BSG: variants seen among roughly 807,000 people sequenced by gnomAD.
BSG encodes basigin (Ok blood group), also known as basigin.
A neutral mutation model predicts 43.1 loss-of-function variants in BSG; 37 were observed. The ratio of observed to expected loss-of-function variants is 0.86; its 90% CI spans 0.66 to 1.13. The LOEUF is 1.13. Among genes scored for constraint, BSG ranks in the 50% most tolerant of loss-of-function variants. The pLI is 0.00. For synonymous variants in BSG, 309 were observed against 238.7 expected (o/e 1.29, Z -2.72); for missense variants, 599 against 554.2 (o/e 1.08, Z -0.81).
upstream of BSG, chr19:572,583 GGGC>G (rs572465381): frequency 7.0e-6 from 10 of 1,437,424 alleles, no homozygotes; most frequent in Middle Eastern, 1.8e-4. Flanking sequence ...TAGCGGCCGC[GGGC>G]GGCGGCGGCA....
intron 6 of BSG, 79 bp from the exon 7 acceptor site, chr19:582,227 C>T (rs773186872): frequency 2.6e-5 from 41 of 1,578,680 alleles, no homozygotes; most frequent in Non-Finnish European, 2.9e-5. Flanking sequence ...CACAGATGCC[C>T]CTGCTCGGGG....
In BSG at chr19:582,814, A is replaced by G. The variant is rs1023694882; in HGVS notation, c.*70A>G. ...GCCGGAGTCCACTCCCAGTGCTTGC[A>G]AGATTCCAAGTTCTCACCTCTTAAA... On this transcript the variant is annotated 3_prime_UTR_variant, in exon 9 of 9. Coordinates refer to ENST00000333511, the MANE Select transcript of BSG (RefSeq NM_001728.4). 39 of 577,058 alleles carry G rather than the reference A, an allele frequency of 6.8e-5. No individual in the cohort carries two copies. The highest frequency in any genetic ancestry group is 3.2e-4 in the South Asian group (15 of 46,410). The allele number at this position is 577,058 out of a possible 1,614,324, so 35.7% of individuals were successfully genotyped here. A position where few individuals can be genotyped will look rare whatever the true frequency, so the allele number is the denominator to read the frequency against.
chr19:572,946 C>T (rs915954146), intron 1 of BSG, among the ~76,000 whole-genome samples: 3 of 112,814 alleles, frequency 2.7e-5, no homozygotes, highest in East Asian at 2.7e-4. Flanking sequence ...CGGCCTCGAG[C>T]CCGGCCTCTG....
chr19:582,219 C>T lies in BSG; in HGVS notation c.1070-87C>T. ...GTCACTGAGGGCAGGGCTGGCAGCA[C>T]AGATGCCCCTGCTCGGGGCCTGAGT... On this transcript the variant is annotated intron_variant, in intron 6 of 8. Transcript: ENST00000333511. The T allele has an allele frequency of 3.8e-6, 6 of 1,564,492 alleles. No individual in the cohort carries two copies. In the Admixed American group the frequency reaches 6.2e-5, roughly 16 times the overall value.
At chr19:574,480 G>A (rs1277601466) in intron 1 of BSG, among the ~76,000 whole-genome samples, 1 of 152,100 alleles carries the variant, frequency 6.6e-6, no homozygotes, top group East Asian at 1.9e-4. Flanking sequence ...GTGAACCAGG[G>A]AGGCGGAGCT....
At chr19:579,195 CAGG>C in intron 2 of BSG, 3 of 520,628 alleles carry the variant, frequency 5.8e-6, no homozygotes, top group Non-Finnish European at 1.1e-5. Flanking sequence ...GGAACATCGC[CAGG>C]CGGGGCCTCT....
chr19:571,567 C>G (rs1283463654), upstream of BSG: 1 of 779,620 alleles, frequency 1.3e-6, no homozygotes, highest in Admixed American at 1.7e-5. Context: ...TCGGACGCGT[C>G]TCCCCAAGAA....
At chr19:571,425 A>G (rs559879748), upstream of BSG, 3 of 726,260 alleles carry the variant, frequency 4.1e-6, no homozygotes, top group Admixed American at 3.8e-5. Context: ...TCGCCCCAAT[A>G]GCGACTTTTC....
At position 577,963 on chromosome 19, in the gene BSG, A is replaced by G. The variant is rs185020271; in HGVS notation, c.257A>G (p.His86Arg). ...CGCGTCCACATCCACGCCACCTACC[A>G]CCAGCACGCGGCCAGCACCATCTCC... The part of the protein sequence containing the change: ...LDRVHIHATY[H>R]QHAASTISID... The change falls in exon 2 of 9, where the codon CAC becomes CGC. Residue 86 changes from histidine to arginine, a missense_variant. Coordinates refer to ENST00000333511, the MANE Select transcript of BSG (RefSeq NM_001728.4). The G allele has an allele frequency of 3.0e-5, 48 of 1,611,728 alleles. No individual in the cohort carries two copies. In the East Asian group the frequency reaches 1.0e-3, roughly 35 times the overall value.
chr19:575,998 G>C (rs889639193), intron 1 of BSG, among the ~76,000 whole-genome samples: 1 of 152,166 alleles, frequency 6.6e-6, no homozygotes, highest in Non-Finnish European at 1.5e-5. Context: ...ATCAGCATCC[G>C]GAGGGACACA....
rs760264753 is a variant in BSG, at chr19:579,602, A to AG, written c.524dup (p.Val176ArgfsTer77). 3 of 1,612,472 alleles carry AG rather than the reference A, an allele frequency of 1.9e-6. No individual in the cohort carries two copies. The African/African-American group carries it at 4.0e-5, about 22-fold the overall frequency. On this transcript the variant is annotated frameshift_variant, in exon 3 of 9. Coordinates refer to ENST00000333511, the MANE Select transcript of BSG (RefSeq NM_001728.4). LOFTEE classifies it high-confidence loss of function. ...GAGGTCACAGGGCACCGCTGGCTGAAGGGGGGCGTGGTGCTGAAGGAGGAC... is the reference window on the plus strand; with the variant it reads ...GAGGTCACAGGGCACCGCTGGCTGAAGGGGGGGCGTGGTGCTGAAGGAGGAC...
intron 1 of BSG, among the ~76,000 whole-genome samples, chr19:573,544 T>A (rs550204752): frequency 1.3e-5 from 2 of 152,180 alleles, no homozygotes; most frequent in South Asian, 4.1e-4. Flanking sequence ...CCCAGACTCT[T>A]AAGACCTCGC....
In BSG at chr19:581,915, G is replaced by A. The variant is rs146061693; in HGVS notation, c.1069+324G>A. On this transcript the variant is annotated intron_variant, in intron 6 of 8. Coordinates refer to ENST00000333511, the MANE Select transcript of BSG (RefSeq NM_001728.4). ...CTTGCTGCTCTGCATGATCAGGCTC[G>A]GGAACCTGAGGTCAGCCATGCTGTG... is the stretch of plus-strand genomic sequence containing the variant. Among the ~76,000 whole-genome samples the A allele has an allele frequency of 4.7e-3, 711 of 152,360 alleles. 9 individuals are homozygous for A. The highest frequency in any genetic ancestry group is 0.016 in the African/African-American group (674 of 41,590).
In BSG at chr19:578,307, C is replaced by T. The variant is rs1032405483; in HGVS notation, c.415+186C>T. ...GGTGGGCTCGCCGCCTGACCACCAG[C>T]GCTGGGCGGCCTGGCTCGGGGCAGG... is the stretch of plus-strand genomic sequence containing the variant. On this transcript the variant is annotated intron_variant, in intron 2 of 8. Transcript: ENST00000333511. 2.2e-5 allele frequency: 12 copies of T among 555,942 alleles called. No homozygotes were observed. The South Asian group carries it at 3.2e-4, about 15-fold the overall frequency. The allele number at this position is 555,942 out of a possible 1,614,324, so 34.4% of individuals were successfully genotyped here.
chr19:575,709 C>T (rs1361493190), intron 1 of BSG, among the ~76,000 whole-genome samples: 1 of 151,966 alleles, frequency 6.6e-6, no homozygotes, highest in East Asian at 1.9e-4. Context: ...GGCAAGGAGG[C>T]GGAGGCTGTT....
chr19:572,086 C>CATATATATATATATATAT (rs61577385), upstream of BSG: 10 of 149,538 alleles, frequency 6.7e-5, no homozygotes, highest in African/African-American at 2.5e-4. Context: ...TTAATACGTT[C>CATATATATATATATATAT]ATATATATAT....
intron 1 of BSG, chr19:575,334 C>A (rs994958573): frequency 6.6e-5 from 10 of 152,346 alleles, no homozygotes; most frequent in African/African-American, 2.4e-4. Flanking sequence ...GTTTGCCTCT[C>A]CTGAAACTTG....
Position 583,049 on chromosome 19 carries a change from C to T in BSG, c.*305C>T, listed in dbSNP as rs756174988. On this transcript the variant is annotated 3_prime_UTR_variant, in exon 9 of 9. Transcript: ENST00000333511. ...GGGCGGCACAGCCTTCTCCACTGGC[C>T]GGAGTCAGTGCCAGGTCCTTGCCCT... 56 of 178,672 alleles carry T rather than the reference C, an allele frequency of 3.1e-4. No individual in the cohort carries two copies. The highest frequency in any genetic ancestry group is 5.9e-4 in the Non-Finnish European group (49 of 83,382). 11.1% of individuals were successfully genotyped at this position (178,672 alleles called of 1,614,324 possible).
chr19:579,426 G>A, intron 2 of BSG, 74 bp from the exon 3 acceptor site: 1 of 1,591,524 alleles, frequency 6.3e-7, no homozygotes, highest in Non-Finnish European at 8.6e-7. Flanking sequence ...GGAGCCGCAG[G>A]TTCCTGGGGG....
Sources: gnomAD v4.1 joint callset for allele counts (sites outside exome capture counted in the v4.1 genomes callset) on GRCh38, gnomAD v4.1.1 for gene constraint, MANE v1.5 for transcripts, NCBI Gene and HGNC (gene_info 2026-07-23, HGNC 2026-07-21) for gene names.